FAM193A: variants seen among roughly 807,000 people sequenced by gnomAD.
FAM193A encodes family with sequence similarity 193 member A.
A neutral mutation model predicts 126.5 loss-of-function variants in FAM193A; 22 were observed. The observed-to-expected ratio is 0.17, with a 90% CI of 0.12 to 0.25. The LOEUF is 0.25. Ranked by LOEUF, FAM193A falls within the 10% of genes least tolerant of loss-of-function variation. The probability of loss-of-function intolerance (pLI) is 1.00; values close to 1 mark genes in which losing one functional copy is unlikely to be tolerated. For missense variants in FAM193A, 1,675 were observed against 1,672.8 expected, an observed-to-expected ratio of 1.00 and a Z score of -0.02; for synonymous variants, 761 against 646.8, an observed-to-expected ratio of 1.18 and a Z score of -2.68.
chr4:2,698,296 T>C (rs1172784698), intron 18 of FAM193A, among the ~76,000 whole-genome samples: 1 of 152,204 alleles, frequency 6.6e-6, no homozygotes, highest in Non-Finnish European at 1.5e-5. Context: ...GTGCTGGATT[T>C]AGATCAGCTC....
chr4:2,629,775 C>A (rs577157262), intron 4 of FAM193A, among the ~76,000 whole-genome samples: 2 of 152,160 alleles, frequency 1.3e-5, no homozygotes, highest in African/African-American at 4.8e-5. Flanking sequence ...TCTAGAGGCT[C>A]CTGGATTAAA....
chr4:2,575,823 A>G (rs946296902), intron 1 of FAM193A, among the ~76,000 whole-genome samples: 1 of 152,036 alleles, frequency 6.6e-6, no homozygotes, highest in African/African-American at 2.4e-5. Flanking sequence ...ACGAGTACAC[A>G]CCATCGTCCA....
At chr4:2,598,234 G>A (rs1740982752) in intron 2 of FAM193A, among the ~76,000 whole-genome samples, 1 of 152,148 alleles carries the variant, frequency 6.6e-6, no homozygotes, top group South Asian at 2.1e-4. Context: ...TTTCCAGAGT[G>A]TCACATATAC....
intron 1 of FAM193A, among the ~76,000 whole-genome samples, chr4:2,592,841 C>T (rs776625272): frequency 5.3e-5 from 8 of 152,188 alleles, no homozygotes; most frequent in African/African-American, 9.7e-5. Flanking sequence ...AAGCTCTCTG[C>T]GCCTGGGCTA....
intron 8 of FAM193A, among the ~76,000 whole-genome samples, chr4:2,658,907 C>T (rs140009622): frequency 0.017 from 2,561 of 152,218 alleles, 56 homozygotes; most frequent in African/African-American, 0.049. Context: ...CCAGCCACCA[C>T]GCCTGGCTAA....
Position 2,570,545 on chromosome 4 carries a change from C to T in FAM193A, c.256-25539C>T, listed in dbSNP as rs1467676772. 2.0e-5 allele frequency among the ~76,000 whole-genome samples: 3 copies of T among 152,274 alleles called. No individual in the cohort carries two copies. The East Asian group carries it at 5.8e-4, about 29-fold the overall frequency. ...TACCCTCCTTGCAGAGGTCATGCCA[C>T]ATCTTTCGTTATAGGACACAGCAGT... On this transcript the variant is annotated intron_variant, in intron 1 of 20. Coordinates refer to ENST00000637812, the MANE Select transcript of FAM193A (RefSeq NM_001366318.2).
In FAM193A at chr4:2,731,861, C is replaced by G. The variant is rs761838489; in HGVS notation, c.4541C>G (p.Ala1514Gly). ...NFSLKKATFA[A>G]H ...AGCTTGAAAAAAGCCACCTTTGCTG[C>G]CCACTGAATGAGGACTCCCTGGAGA... The change falls in exon 21 of 21, where the codon GCC becomes GGC. Residue 1514 changes from alanine (A) to glycine (G), a missense_variant. This residue lies in a region of FAM193A where 20 missense variants were observed against 52.2 expected (regional missense o/e 0.38). Transcript: ENST00000637812. 1.2e-6 allele frequency: 2 copies of G among 1,611,142 alleles called. No individual in the cohort carries two copies. The highest frequency in any genetic ancestry group is 1.7e-6 in the Non-Finnish European group (2 of 1,177,530).
intron 1 of FAM193A, among the ~76,000 whole-genome samples, chr4:2,574,811 T>C (rs897487838): frequency 1.1e-4 from 17 of 152,356 alleles, no homozygotes; most frequent in African/African-American, 3.8e-4. Flanking sequence ...ATTTTATCTT[T>C]TTAGTGTTTC....
intron 1 of FAM193A, among the ~76,000 whole-genome samples, chr4:2,545,512 C>G (rs893474733): frequency 6.6e-6 from 1 of 151,964 alleles, no homozygotes; most frequent in Non-Finnish European, 1.5e-5. Context: ...GTGTCTATTC[C>G]TTTCTGTACA....
At position 2,536,878 on chromosome 4, in the gene FAM193A, G is replaced by GCCCCCGCGCCCGCTCTGCGC. The variant is rs1736907414; in HGVS notation, c.-34_-15dup. ...TCCCCGCCCTCCGCCGCCGCCCGCG[G>GCCCCCGCGCCCGCTCTGCGC]CCCCCGCGCCCGCTCTGCGCCCCTC... On this transcript the variant is annotated 5_prime_UTR_variant, in exon 1 of 21. Transcript: ENST00000637812. 1 of 147,926 alleles carries GCCCCCGCGCCCGCTCTGCGC rather than the reference G, an allele frequency of 6.8e-6. No homozygotes were observed. Among genetic ancestry groups the GCCCCCGCGCCCGCTCTGCGC allele is most frequent in the Admixed American group, 6.8e-5 (1 of 14,752 alleles). 9.2% of individuals were successfully genotyped at this position (147,926 alleles called of 1,614,324 possible).
intron 12 of FAM193A, among the ~76,000 whole-genome samples, chr4:2,664,325 G>C (rs907269853): frequency 6.6e-6 from 1 of 152,022 alleles, no homozygotes; most frequent in African/African-American, 2.4e-5. Flanking sequence ...TTTCAGTACG[G>C]TTTGTCAGAA....
At chr4:2,553,614 C>T (rs781542701) in intron 1 of FAM193A, among the ~76,000 whole-genome samples, 8 of 151,904 alleles carry the variant, frequency 5.3e-5, no homozygotes, top group Admixed American at 1.3e-4. Flanking sequence ...CTCTTTACCT[C>T]GTGATCTGCC....
intron 4 of FAM193A, among the ~76,000 whole-genome samples, chr4:2,629,968 TAA>T (rs944186879): frequency 4.6e-4 from 70 of 152,080 alleles, no homozygotes; most frequent in African/African-American, 1.7e-3. Flanking sequence ...CCGTCTCTAC[TAA>T]AAATACAAAA....
At chr4:2,578,453 T>TC (rs1279381385) in intron 1 of FAM193A, among the ~76,000 whole-genome samples, 1 of 152,036 alleles carries the variant, frequency 6.6e-6, no homozygotes, top group Non-Finnish European at 1.5e-5. Flanking sequence ...TTGGTAGGTT[T>TC]TTTTTTTCCC....
intron 19 of FAM193A, chr4:2,708,263 T>C (rs1029445434): frequency 7.9e-6 from 3 of 381,652 alleles, no homozygotes; most frequent in Non-Finnish European, 1.6e-5. Context: ...GTAGTTGGAA[T>C]TACAGGCAAG....
intron 7 of FAM193A, among the ~76,000 whole-genome samples, chr4:2,649,373 TG>T (rs1352423257): frequency 7.0e-5 from 9 of 129,092 alleles, no homozygotes; most frequent in East Asian, 2.1e-4. Flanking sequence ...AGACCCTGTC[TG>T]AAAAAAAAAA....
intron 7 of FAM193A, among the ~76,000 whole-genome samples, chr4:2,647,296 C>G (rs940206881): frequency 2.0e-5 from 3 of 152,112 alleles, no homozygotes; most frequent in African/African-American, 7.2e-5. Flanking sequence ...CAGGCATGCA[C>G]CAACCATGCC....
chr4:2,633,437 T>C (rs1743798235), intron 5 of FAM193A, among the ~76,000 whole-genome samples: 1 of 151,944 alleles, frequency 6.6e-6, no homozygotes, highest in Non-Finnish European at 1.5e-5. Flanking sequence ...AAATAATTTC[T>C]TGTGGCTTGA....
intron 1 of FAM193A, among the ~76,000 whole-genome samples, chr4:2,566,714 T>C (rs1208763629): frequency 1.3e-5 from 2 of 152,030 alleles, no homozygotes; most frequent in Non-Finnish European, 2.9e-5. Flanking sequence ...TGTTTAGAAT[T>C]GTCTCCATTG....
Sources: allele counts gnomAD v4.1 joint callset (sites outside exome capture counted in the v4.1 genomes callset), GRCh38; gene constraint gnomAD v4.1.1; regional missense constraint gnomAD v4.1.1; transcripts MANE v1.5; gene names NCBI Gene and HGNC (gene_info 2026-07-23, HGNC 2026-07-21).